RBFOX1: variants seen among roughly 807,000 people sequenced by gnomAD.
The protein encoded by RBFOX1 is RNA binding protein fox-1 homolog 1.
A neutral mutation model predicts 57.7 loss-of-function variants in RBFOX1; 8 were observed. The observed-to-expected ratio is 0.14, with a 90% CI of 0.08 to 0.25. The LOEUF is 0.25. RBFOX1 is among the 10% of genes least tolerant of loss of function. The probability of loss-of-function intolerance (pLI) is 1.00; values close to 1 mark genes in which losing one functional copy is unlikely to be tolerated. For missense variants in RBFOX1, 611 were observed against 548.5 expected (o/e 1.11, Z -1.14); for synonymous variants, 326 against 222.4 (o/e 1.47, Z -4.15).
intron 4 of RBFOX1, among the ~76,000 whole-genome samples, chr16:7,289,666 A>G (rs2095723672): frequency 6.6e-6 from 1 of 152,090 alleles, no homozygotes; most frequent in Non-Finnish European, 1.5e-5. Context: ...CACCCCCACC[A>G]TCATCATTAT....
intron 3 of RBFOX1, among the ~76,000 whole-genome samples, chr16:5,856,537 ATGTGTG>A (rs774246673): frequency 4.3e-5 from 3 of 70,240 alleles, no homozygotes; most frequent in East Asian, 5.8e-4. Flanking sequence ...ATATATGTGT[ATGTGTG>A]TGTGTGTGTG....
chr16:6,255,184 CT>C (rs1474539102), intron 1 of RBFOX1, among the ~76,000 whole-genome samples: 8 of 152,086 alleles, frequency 5.3e-5, no homozygotes, highest in Non-Finnish European at 8.8e-5. Context: ...CATATCAATA[CT>C]TTTTGGTTTA....
chr16:5,909,314 G>A (rs192262300), intron 4 of RBFOX1, among the ~76,000 whole-genome samples: 1 of 152,036 alleles, frequency 6.6e-6, no homozygotes, highest in East Asian at 1.9e-4. Flanking sequence ...GGATGGTCTC[G>A]ATCTCTGGAC....
chr16:6,308,734 T>C (rs1395666171), intron 1 of RBFOX1, among the ~76,000 whole-genome samples: 1 of 152,200 alleles, frequency 6.6e-6, no homozygotes, highest in African/African-American at 2.4e-5. Flanking sequence ...AAGCAGGCTA[T>C]TCGACCAGGT....
At chr16:5,778,558 C>G (rs1017396499) in intron 3 of RBFOX1, among the ~76,000 whole-genome samples, 11 of 152,196 alleles carry the variant, frequency 7.2e-5, no homozygotes, top group African/African-American at 2.4e-4. Flanking sequence ...TCAACCTGCT[C>G]TGAGAGCAAC....
At chr16:5,452,520 G>A (rs1395346425) in intron 1 of RBFOX1, among the ~76,000 whole-genome samples, 2 of 151,738 alleles carry the variant, frequency 1.3e-5, no homozygotes, top group African/African-American at 2.4e-5. Flanking sequence ...ACTGCCTTTC[G>A]CCAGGACTGT....
At chr16:5,884,402 A>G (rs2057843113) in intron 4 of RBFOX1, among the ~76,000 whole-genome samples, 1 of 151,990 alleles carries the variant, frequency 6.6e-6, no homozygotes, top group African/African-American at 2.4e-5. Flanking sequence ...TGCCTATGGT[A>G]GAGACAGCTC....
At chr16:6,657,180 C>T (rs1350732283) in intron 3 of RBFOX1, among the ~76,000 whole-genome samples, 2 of 150,848 alleles carry the variant, frequency 1.3e-5, no homozygotes, top group African/African-American at 2.4e-5. Context: ...TTTTTCTCTC[C>T]TCCTTTCCTT....
At chr16:6,621,989 G>T (rs2098239755) in intron 2 of RBFOX1, among the ~76,000 whole-genome samples, 1 of 152,194 alleles carries the variant, frequency 6.6e-6, no homozygotes, top group Non-Finnish European at 1.5e-5. Flanking sequence ...CTAGGTTCGT[G>T]TTAGCCAAAG....
At chr16:5,905,064 C>CTTTTT (rs57349384) in intron 4 of RBFOX1, among the ~76,000 whole-genome samples, 21 of 78,468 alleles carry the variant, frequency 2.7e-4, no homozygotes, top group African/African-American at 9.0e-4. Flanking sequence ...ATGACTGGTG[C>CTTTTT]TTTTTTTTTT....
chr16:7,641,204 A>T (rs1786061253), intron 11 of RBFOX1, among the ~76,000 whole-genome samples: 1 of 152,194 alleles, frequency 6.6e-6, no homozygotes, highest in Admixed American at 6.5e-5. Context: ...AAATGTGTCC[A>T]ACCATAGAGG....
chr16:5,909,670 C>T (rs564335006), intron 4 of RBFOX1, among the ~76,000 whole-genome samples: 2 of 152,336 alleles, frequency 1.3e-5, no homozygotes, highest in South Asian at 2.1e-4. Context: ...TTTGCCTTCT[C>T]AGTTGCTGGA....
chr16:6,731,331 A>G (rs1454939129), intron 3 of RBFOX1, among the ~76,000 whole-genome samples: 1 of 152,158 alleles, frequency 6.6e-6, no homozygotes, highest in Non-Finnish European at 1.5e-5. Flanking sequence ...GATACTGACC[A>G]TATATCATTG....
intron 2 of RBFOX1, among the ~76,000 whole-genome samples, chr16:6,497,837 G>T (rs116060166): frequency 6.6e-6 from 1 of 152,020 alleles, no homozygotes; most frequent in Non-Finnish European, 1.5e-5. Flanking sequence ...TATTACAGGC[G>T]TGAGTCACCA....
chr16:5,789,804 T>G (rs1325689650), intron 3 of RBFOX1, among the ~76,000 whole-genome samples: 1 of 152,140 alleles, frequency 6.6e-6, no homozygotes, highest in Non-Finnish European at 1.5e-5. Context: ...GATGTCTCCT[T>G]CTAACCGCCA....
chr16:7,153,294 A>G (rs565311375), intron 4 of RBFOX1, among the ~76,000 whole-genome samples: 3 of 152,254 alleles, frequency 2.0e-5, no homozygotes, highest in South Asian at 2.1e-4. Flanking sequence ...GAACTTTTTC[A>G]TGTTTATTGA....
intron 2 of RBFOX1, among the ~76,000 whole-genome samples, chr16:5,592,134 A>G (rs149054270): frequency 4.3e-4 from 65 of 152,168 alleles, no homozygotes; most frequent in African/African-American, 1.5e-3. Flanking sequence ...TTGCATGACC[A>G]TCTTGTGAAA....
intron 1 of RBFOX1, among the ~76,000 whole-genome samples, chr16:6,102,575 C>G (rs1885719605): frequency 1.3e-5 from 2 of 152,106 alleles, no homozygotes; most frequent in South Asian, 4.1e-4. Flanking sequence ...ACCCTCCCAC[C>G]CCTTCCAGCA....
chr16:5,925,790 T>C, intron 4 of RBFOX1, among the ~76,000 whole-genome samples: 1 of 152,194 alleles, frequency 6.6e-6, no homozygotes, highest in East Asian at 1.9e-4. Context: ...CCCTCTTTCC[T>C]GAAGAGGAGC....
Sources: allele counts gnomAD v4.1 joint callset (sites outside exome capture counted in the v4.1 genomes callset), GRCh38; gene constraint gnomAD v4.1.1; transcripts MANE v1.5; gene names NCBI Gene and HGNC (gene_info 2026-07-23, HGNC 2026-07-21).